Variants in IL15 observed in about 807,000 individuals in gnomAD.
IL15 encodes interleukin-15.
Under a neutral mutation model 19.6 loss-of-function variants are expected in IL15, and 11 were observed. The observed-to-expected ratio is 0.56, with a 90% CI of 0.35 to 0.93. IL15 has a LOEUF of 0.93. IL15 is among the 40% of genes least tolerant of loss of function. IL15 has a pLI of 0.01. For missense variants in IL15, 197 were observed against 186.5 expected, an observed-to-expected ratio of 1.06 and a Z score of -0.33; for synonymous variants, 58 against 59.6, an observed-to-expected ratio of 0.97 and a Z score of 0.12.
intron 2 of IL15, among the ~76,000 whole-genome samples, chr4:141,666,989 C>G (rs184798793): frequency 2.8e-4 from 43 of 152,108 alleles, no homozygotes; most frequent in African/African-American, 9.4e-4. Flanking sequence ...CATAAGAGGC[C>G]CAGAAAGATA....
At chr4:141,699,441 C>T (rs1008017836) in intron 2 of IL15, among the ~76,000 whole-genome samples, 13 of 152,102 alleles carry the variant, frequency 8.5e-5, no homozygotes, top group African/African-American at 2.4e-4. Context: ...AAGTCCCCCA[C>T]TATTATTATA....
At chr4:141,666,337 C>T (rs1301228557) in intron 2 of IL15, among the ~76,000 whole-genome samples, 1 of 151,540 alleles carries the variant, frequency 6.6e-6, no homozygotes, top group African/African-American at 2.4e-5. Context: ...GTCAGGAGAT[C>T]GCTCCCCACC....
chr4:141,713,005 A>G (rs1258263594), intron 2 of IL15, among the ~76,000 whole-genome samples: 1 of 152,110 alleles, frequency 6.6e-6, no homozygotes, highest in Admixed American at 6.6e-5. Flanking sequence ...AAGAGAATTA[A>G]TACCAACCTC....
chr4:141,666,116 T>TTTATTTATTTATTTATTTA (rs1560908816), intron 2 of IL15, among the ~76,000 whole-genome samples: 1 of 25,560 alleles, frequency 3.9e-5, no homozygotes, highest in Non-Finnish European at 7.7e-5. Flanking sequence ...TTATTTATTT[T>TTTATTTATTTATTTATTTA]TTGAGACGGA....
At chr4:141,686,882 T>C (rs988156994) in intron 2 of IL15, among the ~76,000 whole-genome samples, 2 of 152,232 alleles carry the variant, frequency 1.3e-5, no homozygotes, top group Non-Finnish European at 2.9e-5. Flanking sequence ...CATTTTTAGA[T>C]GCATACACTC....
rs139532158 is a variant in IL15, at chr4:141,690,475, T to C, written c.-99-28891T>C. 4.6e-5 allele frequency among the ~76,000 whole-genome samples: 7 copies of C among 152,342 alleles called. No homozygotes were observed. In the East Asian group the frequency reaches 1.4e-3, roughly 29 times the overall value. Reference sequence around the variant, plus strand: ...AACCTATTAGTCATCCTAGATTCTTTCTTCTCCCTTGTCCTGCATATCCAG... The same window carrying C: ...AACCTATTAGTCATCCTAGATTCTTCCTTCTCCCTTGTCCTGCATATCCAG... On this transcript the variant is annotated intron_variant, in intron 2 of 7. Transcript: ENST00000320650.
chr4:141,717,023 C>T lies in IL15; in HGVS notation c.-99-2343C>T, dbSNP rs572774660. 5 of 152,214 alleles carry T rather than the reference C, an allele frequency of 3.3e-5. No individual in the cohort carries two copies. The South Asian group carries it at 6.2e-4, about 19-fold the overall frequency. The allele number at this position is 152,214 out of a possible 1,614,324, so 9.4% of individuals were successfully genotyped here. ...ATAGCTTATTTTGATTTCACAGGCT[C>T]GTGGTTGCAGAACATTTGCCTTCAG... is the stretch of plus-strand genomic sequence containing the variant. On this transcript the variant is annotated intron_variant, in intron 2 of 7. Transcript: ENST00000320650.
rs72946471 is a variant in IL15, at chr4:141,668,980, T to C, written c.-100+12673T>C. Among the ~76,000 whole-genome samples the C allele has an allele frequency of 6.7e-3, 1,024 of 152,320 alleles. 20 individuals are homozygous for C. The highest frequency in any genetic ancestry group is 0.023 in the African/African-American group (956 of 41,566). On this transcript the variant is annotated intron_variant, in intron 2 of 7. Coordinates refer to ENST00000320650, the MANE Select transcript of IL15 (RefSeq NM_000585.5). Reference sequence around the variant, plus strand: ...TAGATGTGTCACTTTAGGTAAATAATGTAATTTCTTTTTTCCTCAGATTTG... The same window carrying C: ...TAGATGTGTCACTTTAGGTAAATAACGTAATTTCTTTTTTCCTCAGATTTG...
chr4:141,687,870 A>G (rs1244648019), intron 2 of IL15, among the ~76,000 whole-genome samples: 8 of 152,186 alleles, frequency 5.3e-5, no homozygotes, highest in African/African-American at 1.9e-4. Flanking sequence ...ATCTAATCAT[A>G]TTGAGAAAAA....
chr4:141,683,773 T>C (rs1728619444), intron 2 of IL15, among the ~76,000 whole-genome samples: 1 of 152,098 alleles, frequency 6.6e-6, no homozygotes, highest in African/African-American at 2.4e-5. Context: ...AAGATGGAGA[T>C]GATGTTAAAG....
intron 2 of IL15, among the ~76,000 whole-genome samples, chr4:141,700,891 T>C (rs1027878373): frequency 6.6e-6 from 1 of 152,242 alleles, no homozygotes; most frequent in African/African-American, 2.4e-5. Context: ...AAATTCATTC[T>C]TCTATTTGTT....
At chr4:141,647,038 A>G (rs1727248660) in intron 1 of IL15, among the ~76,000 whole-genome samples, 1 of 152,104 alleles carries the variant, frequency 6.6e-6, no homozygotes, top group Admixed American at 6.6e-5. Flanking sequence ...AGAATGGAGA[A>G]TAGAAAGACA....
chr4:141,680,628 T>C (rs757676806), intron 2 of IL15, among the ~76,000 whole-genome samples: 4 of 152,164 alleles, frequency 2.6e-5, no homozygotes, highest in Admixed American at 2.6e-4. Flanking sequence ...TGCTTGCCTT[T>C]TGTATTTGGC....
At chr4:141,718,409 C>T (rs1395386259) in intron 2 of IL15, 2 of 151,722 alleles carry the variant, frequency 1.3e-5, no homozygotes, top group Admixed American at 1.3e-4. Flanking sequence ...ATAATATAGA[C>T]AAAGGGAATA....
rs535247732 is a variant in IL15, at chr4:141,695,958, A to G, written c.-99-23408A>G. The stretch of plus-strand genomic sequence containing the variant: ...TTCAAAAGCTTTTTCATTTGATATA[A>G]TCTCATTTTCCTATTTTTGCTTTTG... On this transcript the variant is annotated intron_variant, in intron 2 of 7. Transcript: ENST00000320650. Among the ~76,000 whole-genome samples the G allele has an allele frequency of 3.4e-4, 51 of 152,058 alleles. 1 individual carries two copies. The Middle Eastern group carries it at 0.014, about 41-fold the overall frequency.
At chr4:141,678,430 G>A (rs952738064) in intron 2 of IL15, among the ~76,000 whole-genome samples, 8 of 151,318 alleles carry the variant, frequency 5.3e-5, no homozygotes, top group Non-Finnish European at 1.0e-4. Context: ...ATTGAGTTGA[G>A]TGACCATAAT....
At chr4:141,730,874 C>T (rs1730429135) in intron 7 of IL15, among the ~76,000 whole-genome samples, 1 of 152,040 alleles carries the variant, frequency 6.6e-6, no homozygotes, top group Non-Finnish European at 1.5e-5. Context: ...GAAAAAATAC[C>T]CATAATCCCT....
intron 2 of IL15, among the ~76,000 whole-genome samples, chr4:141,704,947 T>C (rs1172633292): frequency 6.6e-6 from 1 of 151,920 alleles, no homozygotes; most frequent in African/African-American, 2.4e-5. Flanking sequence ...TCATCTCTTA[T>C]TTTATTTATT....
chr4:141,696,552 T>C (rs1729102171), intron 2 of IL15, among the ~76,000 whole-genome samples: 1 of 152,094 alleles, frequency 6.6e-6, no homozygotes, highest in African/African-American at 2.4e-5. Context: ...ATTCTTCTAC[T>C]TCATGAACAC....
Sources: gnomAD v4.1 joint callset for allele counts (sites outside exome capture counted in the v4.1 genomes callset) on GRCh38, gnomAD v4.1.1 for gene constraint, MANE v1.5 for transcripts, NCBI Gene and HGNC (gene_info 2026-07-23, HGNC 2026-07-21) for gene names.